Variants in SCAF8 observed in about 807,000 individuals in gnomAD.
SCAF8 encodes SR-related CTD associated factor 8.
SCAF8 carries 23 observed loss-of-function variants against 140.5 expected under a neutral mutation model. That is an observed-to-expected ratio of 0.16 (90% CI 0.12 to 0.23). The LOEUF (loss-of-function observed/expected upper bound fraction) is 0.23. Ranked by LOEUF, SCAF8 falls within the 10% of genes least tolerant of loss-of-function variation. The pLI, the probability that SCAF8 is intolerant of heterozygous loss-of-function variation, is 1.00. For missense variants in SCAF8, 1,397 were observed against 1,555.7 expected (o/e 0.90, Z 1.72); for synonymous variants, 575 against 528.9 (o/e 1.09, Z -1.20).
At chr6:154,784,117 T>TGAGAGAGAGA (rs1476096909) in intron 3 of SCAF8, among the ~76,000 whole-genome samples, 31 of 88,894 alleles carry the variant, frequency 3.5e-4, no homozygotes, top group Middle Eastern at 5.2e-3. Flanking sequence ...TCTGGTGTCT[T>TGAGAGAGAGA]GAGATATATA....
In SCAF8 at chr6:154,733,697, G is replaced by A. The variant is rs1778324826; in HGVS notation, c.-204G>A. 3 of 1,312,246 alleles carry A rather than the reference G, an allele frequency of 2.3e-6. No homozygotes were observed. The highest frequency in any genetic ancestry group is 4.2e-5 in the Admixed American group (1 of 23,848). 81.3% of individuals were successfully genotyped at this position (1,312,246 alleles called of 1,614,324 possible). ...GAACGGCGCTCCCCCCGCCCTAGCG[G>A]CCATGCCGGTGCCGCTCTGCCGCTG... is the stretch of plus-strand genomic sequence containing the variant. On this transcript the variant is annotated 5_prime_UTR_variant, in exon 1 of 20. Coordinates refer to ENST00000367178, the MANE Select transcript of SCAF8 (RefSeq NM_014892.5).
chr6:154,795,049 A>T lies in SCAF8; in HGVS notation c.516A>T (p.Gln172His). ...CTGTTACTCCGGCCAATGTGGTCCA[A>T]GGCTTACCTGATCCGTGGGTATCTC... ...VTPVTPANVVQGLPDPWVSQI... is the reference protein window; with the variant it reads ...VTPVTPANVVHGLPDPWVSQI... The change falls in exon 6 of 20, where the codon CAA becomes CAT. Residue 172 changes from glutamine (Q) to histidine (H), a missense_variant. By Grantham distance (24) the Gln-to-His change is conservative (BLOSUM62 0). Transcript: ENST00000367178. 1 of 1,613,096 alleles carries T rather than the reference A, an allele frequency of 6.2e-7. No homozygotes were observed. The highest frequency in any genetic ancestry group is 1.1e-5 in the South Asian group (1 of 90,934).
chr6:154,802,168 T>A (rs1200978956), intron 7 of SCAF8, 21 bp downstream of exon 7: 2 of 1,488,906 alleles, frequency 1.3e-6, no homozygotes, highest in East Asian at 4.6e-5. Context: ...AAATATCGGA[T>A]CAAGTCTATA....
intron 1 of SCAF8, among the ~76,000 whole-genome samples, chr6:154,761,370 C>G (rs531816035): frequency 7.2e-5 from 11 of 152,140 alleles, no homozygotes; most frequent in African/African-American, 2.6e-4. Flanking sequence ...CCCATAATCC[C>G]AGCGGCTCGG....
chr6:154,826,469 C>T (rs990947646), intron 17 of SCAF8, among the ~76,000 whole-genome samples: 1 of 152,088 alleles, frequency 6.6e-6, no homozygotes, highest in Non-Finnish European at 1.5e-5. Flanking sequence ...GAACAAACCT[C>T]GAATACCAAA....
intron 3 of SCAF8, among the ~76,000 whole-genome samples, chr6:154,781,608 C>A (rs749759665): frequency 2.0e-5 from 3 of 152,158 alleles, no homozygotes; most frequent in Non-Finnish European, 4.4e-5. Context: ...GCTACAGTAA[C>A]CAGAAGAGAC....
chr6:154,793,834 A>T (rs1213951443), intron 5 of SCAF8, among the ~76,000 whole-genome samples: 1 of 151,678 alleles, frequency 6.6e-6, no homozygotes, highest in Non-Finnish European at 1.5e-5. Context: ...AAAAAAAAAA[A>T]AAAAATTTTT....
rs182145920 is a variant in SCAF8 at position 154,747,401 on chromosome 6, A to G, written c.30+13471A>G. On this transcript the variant is annotated intron_variant, in intron 1 of 19. Transcript: ENST00000367178. ...TAGCTGGGTATGGTGATGCATGTCT[A>G]TAGTCCCAGCTACTTGGGAGGATTG... is the stretch of plus-strand genomic sequence containing the variant. Among the ~76,000 whole-genome samples the G allele has an allele frequency of 3.7e-4, 57 of 152,228 alleles. No individual in the cohort carries two copies. The South Asian group carries it at 4.8e-3, about 13-fold the overall frequency.
chr6:154,767,479 G>T (rs1776611342), intron 1 of SCAF8, among the ~76,000 whole-genome samples: 1 of 149,960 alleles, frequency 6.7e-6, no homozygotes, highest in Non-Finnish European at 1.5e-5. Context: ...AATGATATCT[G>T]GGAAATCATG....
intron 1 of SCAF8, among the ~76,000 whole-genome samples, chr6:154,757,711 A>G (rs1019094989): frequency 6.6e-6 from 1 of 152,198 alleles, no homozygotes; most frequent in Non-Finnish European, 1.5e-5. Flanking sequence ...GGAGGGATAG[A>G]TGGAAAGATG....
intron 9 of SCAF8, among the ~76,000 whole-genome samples, chr6:154,805,754 A>G (rs1777895311): frequency 6.6e-6 from 1 of 152,046 alleles, no homozygotes; most frequent in Admixed American, 6.5e-5. Context: ...TGCACATTGT[A>G]GAAATTAATT....
At chr6:154,796,531 C>T (rs1056441748) in intron 6 of SCAF8, among the ~76,000 whole-genome samples, 9 of 152,068 alleles carry the variant, frequency 5.9e-5, no homozygotes, top group African/African-American at 1.9e-4. Flanking sequence ...GAGATGGGTT[C>T]CTAGTTTTTA....
At position 154,833,331 on chromosome 6, in the gene SCAF8, G is replaced by A. The variant is rs1369746525; in HGVS notation, c.3752G>A (p.Ser1251Asn). 1.2e-6 allele frequency: 2 copies of A among 1,614,012 alleles called. No homozygotes were observed. Among genetic ancestry groups the A allele is most frequent in the African/African-American group, 1.3e-5 (1 of 75,048 alleles). The change falls in exon 20 of 20, where the codon AGT (serine) becomes AAT (asparagine). Residue 1251 changes from serine (S) to asparagine (N), a missense_variant. Physicochemically the swap from Ser to Asn is conservative, Grantham distance 46. Around this residue, in one of 5 missense-constraint regions of SCAF8, gnomAD observed 930 missense variants for 874.6 expected, o/e 1.06. Coordinates refer to ENST00000367178, the MANE Select transcript of SCAF8 (RefSeq NM_014892.5). ...TCAAATGAAATAAACAAGGAGAAGA[G>A]TGACACAGTTGCTGATATAGAAAGT... is the stretch of plus-strand genomic sequence containing the variant. The part of the protein sequence containing the change: ...TSSNEINKEK[S>N]DTVADIESEP...
At position 154,820,321 on chromosome 6, in the gene SCAF8, A is replaced by G. The variant is rs1320496133; in HGVS notation, c.1780A>G (p.Thr594Ala). 1 of 1,604,554 alleles carries G rather than the reference A, an allele frequency of 6.2e-7. No individual in the cohort carries two copies. The highest frequency in any genetic ancestry group is 1.1e-5 in the South Asian group (1 of 88,850). Residue 594 changes from threonine to alanine, a missense_variant, in exon 15 of 20, where the codon ACT (threonine) becomes GCT (alanine). This residue lies in a region of SCAF8 where 930 missense variants were observed against 874.6 expected (regional missense o/e 1.06). Transcript: ENST00000367178. ...AGAAGGAGGCATGATTGATCAGGAG[A>G]CTGTAAATACTGGTAAGAATTCTAA... The part of the protein sequence containing the change: ...FAEGGMIDQE[T>A]VNTEWETVKS...
chr6:154,737,623 T>C (rs1277259311), intron 1 of SCAF8, among the ~76,000 whole-genome samples: 2 of 152,168 alleles, frequency 1.3e-5, no homozygotes, highest in African/African-American at 2.4e-5. Context: ...TGGGAGGATC[T>C]CATGACCCAG....
In SCAF8 at chr6:154,831,992, A is replaced by C. The variant is rs765298813; in HGVS notation, c.2413A>C (p.Asn805His). 1 of 1,613,240 alleles carries C rather than the reference A, an allele frequency of 6.2e-7. No homozygotes were observed. The highest frequency in any genetic ancestry group is 1.7e-5 in the Admixed American group (1 of 59,866). Residue 805 changes from asparagine to histidine, a missense_variant, in exon 20 of 20, where the codon AAT (asparagine) becomes CAT (histidine). Transcript: ENST00000367178. ...TGCAATTTTAGGAGGACAGCCGCCA[A>C]ATGTGACAAGCAATTCTGGAATTCT... ...NAAILGGQPP[N>H]VTSNSGILGV...
In SCAF8 at chr6:154,831,693, C is replaced by T. The variant is rs1049160275; in HGVS notation, c.2360-246C>T. 7.9e-5 allele frequency among the ~76,000 whole-genome samples: 8 copies of T among 101,496 alleles called. No homozygotes were observed. The South Asian group carries it at 2.8e-3, about 36-fold the overall frequency. 66.6% of individuals were successfully genotyped at this position (101,496 alleles called of 152,430 possible). The stretch of plus-strand genomic sequence containing the variant: ...TGTCCTAAAGCCTTTTAAACCTCCA[C>T]TCCTGTTCTTAAAAAAAAAAAAAAA... On this transcript the variant is annotated intron_variant, in intron 19 of 19. Transcript: ENST00000367178.
intron 6 of SCAF8, among the ~76,000 whole-genome samples, chr6:154,795,459 G>A (rs1292966589): frequency 6.6e-6 from 1 of 152,132 alleles, no homozygotes; most frequent in African/African-American, 2.4e-5. Flanking sequence ...CTATCTTAAG[G>A]GGGACAGATG....
intron 12 of SCAF8, 128 bp from the exon 13 acceptor site, chr6:154,815,588 A>G (rs141375301): frequency 3.2e-4 from 125 of 394,688 alleles, no homozygotes; most frequent in Non-Finnish European, 5.1e-4. Context: ...GTGTTCATTG[A>G]CAATTATTTT....
Sources: gnomAD v4.1 joint callset for allele counts (sites outside exome capture counted in the v4.1 genomes callset) on GRCh38, gnomAD v4.1.1 for gene constraint, gnomAD v4.1.1 regional missense constraint, MANE v1.5 for transcripts, NCBI Gene and HGNC (gene_info 2026-07-23, HGNC 2026-07-21) for gene names.